APBB2: variants seen among roughly 807,000 people sequenced by gnomAD.
APBB2 encodes the protein Fe65-like 1.
In APBB2, 38 loss-of-function variants were observed where a neutral mutation model predicts 82.5. The ratio of observed to expected loss-of-function variants is 0.46; its 90% CI spans 0.36 to 0.60. The LOEUF (loss-of-function observed/expected upper bound fraction) is 0.60, where lower values mean the gene tolerates loss of function less well. Ranked by LOEUF, APBB2 falls within the 20% of genes least tolerant of loss-of-function variation. The pLI is 0.00. For missense variants in APBB2, 772 were observed against 972.3 expected (o/e 0.79, Z 2.74); for synonymous variants, 341 against 368.2 (o/e 0.93, Z 0.85).
chr4:40,851,908 T>C (rs1759588125), intron 12 of APBB2, among the ~76,000 whole-genome samples: 1 of 152,014 alleles, frequency 6.6e-6, no homozygotes, highest in Non-Finnish European at 1.5e-5. Flanking sequence ...TATAAGGAAA[T>C]GGCTTCTCTA....
intron 1 of APBB2, among the ~76,000 whole-genome samples, chr4:41,170,589 G>A (rs1194778764): frequency 1.3e-5 from 2 of 152,162 alleles, no homozygotes; most frequent in Admixed American, 1.3e-4. Context: ...GAAAAGTCAA[G>A]GTTATGAAAG....
chr4:41,108,136 A>G (rs1405752565), intron 2 of APBB2, among the ~76,000 whole-genome samples: 2 of 152,162 alleles, frequency 1.3e-5, no homozygotes, highest in Non-Finnish European at 2.9e-5. Flanking sequence ...GTGTGCGTGT[A>G]AAGAGACACA....
intron 12 of APBB2, among the ~76,000 whole-genome samples, chr4:40,845,570 A>T (rs1757228532): frequency 7.2e-6 from 1 of 139,224 alleles, no homozygotes; most frequent in African/African-American, 2.6e-5. Context: ...CTGGAATCCA[A>T]ATGAAAAGGA....
intron 1 of APBB2, among the ~76,000 whole-genome samples, chr4:41,197,199 GA>G: frequency 3.3e-5 from 5 of 151,790 alleles, no homozygotes; most frequent in Non-Finnish European, 7.4e-5. Flanking sequence ...TCTCCTGCTC[GA>G]ACAATATGCA....
chr4:41,038,957 A>G (rs1720319173), intron 4 of APBB2, among the ~76,000 whole-genome samples: 2 of 146,670 alleles, frequency 1.4e-5, no homozygotes, highest in Admixed American at 7.1e-5. Flanking sequence ...TATGTGTTGT[A>G]TTGACAACTC....
chr4:41,208,719 G>A (rs1778582985), intron 1 of APBB2, among the ~76,000 whole-genome samples: 1 of 152,192 alleles, frequency 6.6e-6, no homozygotes, highest in Non-Finnish European at 1.5e-5. Flanking sequence ...AGAGAGGGTA[G>A]AACTGGTAAA....
intron 6 of APBB2, among the ~76,000 whole-genome samples, chr4:40,983,035 G>T (rs1290404413): frequency 6.6e-6 from 1 of 152,152 alleles, no homozygotes; most frequent in Non-Finnish European, 1.5e-5. Flanking sequence ...TAGATTTGGG[G>T]CTATGAAAAT....
intron 1 of APBB2, among the ~76,000 whole-genome samples, chr4:41,194,725 T>C: frequency 2.0e-5 from 3 of 152,118 alleles, no homozygotes; most frequent in Non-Finnish European, 4.4e-5. Flanking sequence ...CTATTAACTA[T>C]TAACAATGAG....
intron 5 of APBB2, among the ~76,000 whole-genome samples, chr4:41,022,251 T>C (rs1711884664): frequency 6.6e-6 from 1 of 152,210 alleles, no homozygotes; most frequent in South Asian, 2.1e-4. Flanking sequence ...AAAATACTTC[T>C]AAGATTCTGA....
intron 2 of APBB2, among the ~76,000 whole-genome samples, chr4:41,116,829 T>C (rs1288907520): frequency 6.6e-6 from 1 of 152,206 alleles, no homozygotes; most frequent in Non-Finnish European, 1.5e-5. Context: ...GTCAAAAGCA[T>C]TTATGGCCTT....
At chr4:41,019,904 G>C (rs2077757881) in intron 5 of APBB2, among the ~76,000 whole-genome samples, 1 of 148,310 alleles carries the variant, frequency 6.7e-6, no homozygotes. Flanking sequence ...GGAAGAGACA[G>C]AGAGACAAAG....
Position 40,811,141 on chromosome 4 carries a change from T to TAGA in APBB2, c.*4948_*4950dup, listed in dbSNP as rs1744313922. 1 of 152,258 alleles carries TAGA rather than the reference T, an allele frequency of 6.6e-6. No individual in the cohort carries two copies. The highest frequency in any genetic ancestry group is 1.5e-5 in the Non-Finnish European group (1 of 68,044). The allele number at this position is 152,258 out of a possible 1,614,324, so 9.4% of individuals were successfully genotyped here. A position where few individuals can be genotyped will look rare whatever the true frequency, so the allele number is the denominator to read the frequency against. On this transcript the variant is annotated 3_prime_UTR_variant, in exon 18 of 18. Transcript: ENST00000508593. ...TTTGGCACTAAATTATTTTTCTCTT[T>TAGA]AGAAGTATATGAAGATTCTGAATTA...
At chr4:41,154,354 C>T (rs1183223286) in intron 1 of APBB2, among the ~76,000 whole-genome samples, 2 of 152,182 alleles carry the variant, frequency 1.3e-5, no homozygotes, top group African/African-American at 4.8e-5. Context: ...AATAGTACAA[C>T]CAATCAAATG....
intron 3 of APBB2, among the ~76,000 whole-genome samples, chr4:41,087,595 ATT>A (rs879415133): frequency 4.8e-5 from 7 of 144,890 alleles, no homozygotes; most frequent in African/African-American, 1.0e-4. Flanking sequence ...TGACTGGCTA[ATT>A]TTTTTTTTTT....
chr4:40,826,280 T>G lies in APBB2; in HGVS notation c.1733-310A>C, dbSNP rs902408467. On this transcript the variant is annotated intron_variant, in intron 14 of 17. Transcript: ENST00000508593. This position sits in a 1 kb window ranked among gnomAD's most constrained non-coding sequence, Gnocchi z 4.5. ...TAGCAGCTTTTGGTGTCCTATTTAA[T>G]TAGGTGTGGTTGATGCCCAGAGAAA... 6.6e-6 allele frequency: 2 copies of G among 305,104 alleles called. No individual in the cohort carries two copies. The highest frequency in any genetic ancestry group is 2.2e-5 in the African/African-American group (1 of 45,680). The allele number at this position is 305,104 out of a possible 1,614,324, so 18.9% of individuals were successfully genotyped here.
chr4:40,902,789 G>A (rs1775683309), intron 10 of APBB2, among the ~76,000 whole-genome samples: 1 of 152,108 alleles, frequency 6.6e-6, no homozygotes, highest in Middle Eastern at 3.4e-3. Context: ...CTTGGCATCC[G>A]AAAGTGCTGG....
chr4:41,062,623 C>T (rs12641331), intron 4 of APBB2, among the ~76,000 whole-genome samples: 30,895 of 152,012 alleles, frequency 0.2, 4,117 homozygotes, highest in East Asian at 0.54. Flanking sequence ...TGAGAGGGTA[C>T]GAACCACACT....
chr4:41,211,468 CTTAT>C (rs913592806), intron 1 of APBB2, among the ~76,000 whole-genome samples: 41 of 135,296 alleles, frequency 3.0e-4, no homozygotes, highest in African/African-American at 5.7e-4. Flanking sequence ...TATTTATTTA[CTTAT>C]TTATTTATTT....
At chr4:41,043,700 A>C (rs1253711046) in intron 4 of APBB2, among the ~76,000 whole-genome samples, 2 of 152,198 alleles carry the variant, frequency 1.3e-5, no homozygotes, top group African/African-American at 4.8e-5. Flanking sequence ...AATTTATGGT[A>C]ATCAGTTCCT....
Sources: allele counts gnomAD v4.1 joint callset (sites outside exome capture counted in the v4.1 genomes callset), GRCh38; gene constraint gnomAD v4.1.1; non-coding constraint Gnocchi (gnomAD v3.1); transcripts MANE v1.5; gene names NCBI Gene and HGNC (gene_info 2026-07-23, HGNC 2026-07-21).